The following CALN1 variants were observed in gnomAD, a reference collection of about 807,000 sequenced individuals.
CALN1 encodes calneuron 1.
In CALN1, 17 loss-of-function variants were observed where a neutral mutation model predicts 30.6. That is an observed-to-expected ratio of 0.56 (90% CI 0.38 to 0.83). The LOEUF is 0.83. Among genes scored for constraint, CALN1 ranks in the 40% least tolerant of loss-of-function variants. The pLI is 0.00. For missense variants in CALN1, 291 were observed against 354.9 expected (o/e 0.82, Z 1.45); for synonymous variants, 156 against 131.4 (o/e 1.19, Z -1.28).
intron 5 of CALN1, among the ~76,000 whole-genome samples, chr7:71,870,320 T>G (rs1280456151): frequency 6.6e-6 from 1 of 151,530 alleles, no homozygotes; most frequent in East Asian, 1.9e-4. Context: ...GAGGTGGAGG[T>G]TGCAGTGAGC....
intron 2 of CALN1, among the ~76,000 whole-genome samples, chr7:72,340,121 G>A (rs1178939952): frequency 6.6e-6 from 1 of 152,192 alleles, no homozygotes; most frequent in Non-Finnish European, 1.5e-5. Context: ...ATTTCTTCCT[G>A]AAGGGTCTGG....
chr7:72,501,928 A>AAAAAATAT, the CALN1 span, among the ~76,000 whole-genome samples: 11 of 57,942 alleles, frequency 1.9e-4, no homozygotes, highest in African/African-American at 8.9e-4. Flanking sequence ...AAAAAAAAAA[A>AAAAAATAT]ATATATATAT....
the CALN1 span, among the ~76,000 whole-genome samples, chr7:72,481,201 G>A: frequency 6.6e-6 from 1 of 152,136 alleles, no homozygotes; most frequent in South Asian, 2.1e-4. Context: ...ATCCGCCCGC[G>A]TCGGCCTCCC....
chr7:72,372,602 T>C (rs928842246), intron 2 of CALN1, among the ~76,000 whole-genome samples: 4 of 152,148 alleles, frequency 2.6e-5, no homozygotes, highest in African/African-American at 4.8e-5. Context: ...AACTGAACAA[T>C]GGAGTAGACA....
At chr7:72,416,182 C>T (rs1384888284), upstream of CALN1, among the ~76,000 whole-genome samples, 2 of 152,206 alleles carry the variant, frequency 1.3e-5, no homozygotes, top group Non-Finnish European at 2.9e-5. Flanking sequence ...AGTGCCATGA[C>T]AGTTTACCAT....
intron 4 of CALN1, among the ~76,000 whole-genome samples, chr7:72,093,616 T>C (rs1263190967): frequency 2.0e-5 from 3 of 152,236 alleles, no homozygotes; most frequent in Non-Finnish European, 2.9e-5. Context: ...TTGACCTTTA[T>C]GGTAACGATG....
At chr7:71,875,671 G>T (rs1160023151) in intron 5 of CALN1, among the ~76,000 whole-genome samples, 1 of 152,168 alleles carries the variant, frequency 6.6e-6, no homozygotes, top group African/African-American at 2.4e-5. Context: ...TGTATCTGGA[G>T]AATAGGTGAA....
chr7:72,009,748 T>C (rs58248758), intron 5 of CALN1, among the ~76,000 whole-genome samples: 3,472 of 152,212 alleles, frequency 0.023, 51 homozygotes, highest in Non-Finnish European at 0.031. Context: ...TTATAACGGG[T>C]TTCCCTTTCA....
chr7:71,935,360 A>T (rs968500226), intron 5 of CALN1, among the ~76,000 whole-genome samples: 7 of 152,160 alleles, frequency 4.6e-5, no homozygotes. Context: ...CCTAGGAAGG[A>T]AAAAATGGGA....
intron 2 of CALN1, among the ~76,000 whole-genome samples, chr7:72,295,820 T>A (rs1327959119): frequency 6.6e-6 from 1 of 151,798 alleles, no homozygotes; most frequent in Non-Finnish European, 1.5e-5. Flanking sequence ...GAGGGACAAT[T>A]TGACTTCCTC....
rs984971094 is a variant in CALN1, at chr7:71,783,284, T to C, written c.*4491A>G. 3 of 152,180 alleles carry C rather than the reference T, an allele frequency of 2.0e-5. No homozygotes were observed. Among genetic ancestry groups the C allele is most frequent in the African/African-American group, 7.2e-5 (3 of 41,454 alleles). The allele number at this position is 152,180 out of a possible 1,614,324, so 9.4% of individuals were successfully genotyped here. Reference sequence around the variant, plus strand: ...TATACAACCAGGATGTGTGACGTGCTGAAGTCTAAAAGTTTCATCTCAGTT... The same window carrying C: ...TATACAACCAGGATGTGTGACGTGCCGAAGTCTAAAAGTTTCATCTCAGTT... On this transcript the variant is annotated 3_prime_UTR_variant, in exon 7 of 7. Coordinates refer to ENST00000395275, the MANE Select transcript of CALN1 (RefSeq NM_031468.4).
chr7:72,271,575 A>AAAAAATATATATATATATATATATAT lies in CALN1; in HGVS notation c.244+7110_244+7111insATATATATATATATATATATATTTTT. On this transcript the variant is annotated intron_variant, in intron 3 of 6. Transcript: ENST00000395275. ...CTGTGCCTGCCTTTTAAAAAAAAAA[A>AAAAAATATATATATATATATATATAT]ATATATATATATATATATAGTTTTC... 2.7e-3 allele frequency among the ~76,000 whole-genome samples: 141 copies of AAAAAATATATATATATATATATATAT among 52,072 alleles called. 2 individuals carry two copies. Among genetic ancestry groups the AAAAAATATATATATATATATATATAT allele is most frequent in the Non-Finnish European group, 3.0e-3 (97 of 32,346 alleles). 34.2% of individuals were successfully genotyped at this position (52,072 alleles called of 152,430 possible). A position where few individuals can be genotyped will look rare whatever the true frequency, so the allele number is the denominator to read the frequency against.
intron 1 of CALN1, among the ~76,000 whole-genome samples, chr7:72,420,673 G>A (rs988811824): frequency 6.7e-6 from 1 of 149,740 alleles, no homozygotes; most frequent in Admixed American, 6.7e-5. Flanking sequence ...GCCCAGGCTG[G>A]AGTGCAGTGG....
chr7:71,994,588 G>A (rs989826830), intron 5 of CALN1, among the ~76,000 whole-genome samples: 1 of 150,760 alleles, frequency 6.6e-6, no homozygotes, highest in Non-Finnish European at 1.5e-5. Flanking sequence ...CATGAGATTC[G>A]TTGCCTCATG....
chr7:72,005,179 C>A (rs906641283), intron 5 of CALN1, among the ~76,000 whole-genome samples: 2 of 152,124 alleles, frequency 1.3e-5, no homozygotes, highest in Non-Finnish European at 2.9e-5. Context: ...TACACAAAAG[C>A]CTGCATACAA....
At chr7:72,346,985 G>A (rs958230033) in intron 2 of CALN1, among the ~76,000 whole-genome samples, 1 of 152,158 alleles carries the variant, frequency 6.6e-6, no homozygotes, top group African/African-American at 2.4e-5. Flanking sequence ...AGAAGGAAAA[G>A]TGGGAATAGA....
At chr7:71,920,405 G>A (rs1584512115) in intron 5 of CALN1, among the ~76,000 whole-genome samples, 1 of 142,872 alleles carries the variant, frequency 7.0e-6, no homozygotes, top group South Asian at 2.2e-4. Flanking sequence ...GTGCGATCTC[G>A]GCTCACTGCA....
intron 5 of CALN1, among the ~76,000 whole-genome samples, chr7:71,857,442 T>C (rs1459758051): frequency 6.6e-6 from 1 of 152,192 alleles, no homozygotes; most frequent in Non-Finnish European, 1.5e-5. Context: ...CTGGAAGTGC[T>C]GTCAGGGCTC....
chr7:71,870,505 T>C (rs960008280), intron 5 of CALN1, among the ~76,000 whole-genome samples: 1 of 152,194 alleles, frequency 6.6e-6, no homozygotes, highest in South Asian at 2.1e-4. Flanking sequence ...TAATTGAATA[T>C]TAATTTTTAA....
Sources: gnomAD v4.1 joint callset for allele counts (sites outside exome capture counted in the v4.1 genomes callset) on GRCh38, gnomAD v4.1.1 for gene constraint, MANE v1.5 for transcripts, NCBI Gene and HGNC (gene_info 2026-07-23, HGNC 2026-07-21) for gene names.